Variants in THSD7B observed in about 807,000 individuals in gnomAD.
THSD7B encodes thrombospondin type-1 domain-containing protein 7B.
A neutral mutation model predicts 213.6 loss-of-function variants in THSD7B; 138 were observed. The ratio of observed to expected loss-of-function variants is 0.65; its 90% CI spans 0.56 to 0.74. The LOEUF is 0.74. Ranked by LOEUF, THSD7B falls within the 30% of genes least tolerant of loss-of-function variation. THSD7B has a pLI of 0.00. For synonymous variants in THSD7B, 742 were observed against 687.0 expected (o/e 1.08, Z -1.25); for missense variants, 1,931 against 1,991.5 (o/e 0.97, Z 0.58).
intron 15 of THSD7B, among the ~76,000 whole-genome samples, chr2:137,456,776 A>G (rs1167389126): frequency 6.6e-6 from 1 of 152,188 alleles, no homozygotes; most frequent in Non-Finnish European, 1.5e-5. Flanking sequence ...CTGCAGAGTG[A>G]TTTATTCCTC....
At chr2:137,550,533 G>A (rs1680826265) in intron 15 of THSD7B, among the ~76,000 whole-genome samples, 2 of 152,074 alleles carry the variant, frequency 1.3e-5, no homozygotes, top group African/African-American at 4.8e-5. Context: ...AGCACAGATA[G>A]CTTAGCTTTA....
chr2:137,388,629 G>A (rs1685948073), intron 12 of THSD7B, among the ~76,000 whole-genome samples: 1 of 151,886 alleles, frequency 6.6e-6, no homozygotes, highest in Non-Finnish European at 1.5e-5. Flanking sequence ...CTAATTATAT[G>A]TTTGTACCCA....
At chr2:137,453,908 C>T (rs1687706496) in intron 15 of THSD7B, among the ~76,000 whole-genome samples, 1 of 152,084 alleles carries the variant, frequency 6.6e-6, no homozygotes, top group South Asian at 2.1e-4. Context: ...TAAGGTTTTC[C>T]AGTTGCATCC....
At chr2:137,537,651 G>T (rs77139663) in intron 15 of THSD7B, among the ~76,000 whole-genome samples, 3,521 of 151,674 alleles carry the variant, frequency 0.023, 58 homozygotes, top group Middle Eastern at 0.061. Context: ...TGTTCATTAA[G>T]ATTTGTGGTC....
At chr2:137,389,542 T>C (rs569103943) in intron 12 of THSD7B, among the ~76,000 whole-genome samples, 1 of 151,650 alleles carries the variant, frequency 6.6e-6, no homozygotes, top group South Asian at 2.1e-4. Context: ...TCTTGATTGT[T>C]TTCTTTGCTG....
chr2:137,604,036 G>A (rs536322413), intron 17 of THSD7B, among the ~76,000 whole-genome samples: 28 of 152,098 alleles, frequency 1.8e-4, no homozygotes, highest in African/African-American at 6.5e-4. Context: ...GCTTGAACCT[G>A]GGAGGTGGAG....
intron 4 of THSD7B, among the ~76,000 whole-genome samples, chr2:137,111,052 C>T (rs1407864846): frequency 6.6e-6 from 1 of 152,196 alleles, no homozygotes; most frequent in Non-Finnish European, 1.5e-5. Flanking sequence ...CCTAGTGACA[C>T]ATTTCTCCAT....
intron 11 of THSD7B, among the ~76,000 whole-genome samples, chr2:137,274,972 C>G (rs1682835432): frequency 6.6e-6 from 1 of 152,006 alleles, no homozygotes; most frequent in African/African-American, 2.4e-5. Context: ...ATGTTTCTCA[C>G]TGCTTTTTTG....
At chr2:137,592,875 T>G (rs1681892047) in intron 17 of THSD7B, among the ~76,000 whole-genome samples, 1 of 151,990 alleles carries the variant, frequency 6.6e-6, no homozygotes, top group Admixed American at 6.6e-5. Context: ...TACAATTTTC[T>G]ACTCAAATTT....
chr2:137,465,258 A>T (rs992074177), intron 15 of THSD7B, among the ~76,000 whole-genome samples: 2 of 152,084 alleles, frequency 1.3e-5, no homozygotes, highest in African/African-American at 4.8e-5. Flanking sequence ...CATAAAAAAA[A>T]AAAAGAGTAC....
chr2:136,830,315 G>A (rs1448681164), intron 1 of THSD7B, among the ~76,000 whole-genome samples: 1 of 152,116 alleles, frequency 6.6e-6, no homozygotes, highest in Non-Finnish European at 1.5e-5. Context: ...TCAAAAGATG[G>A]AAAATTAGCT....
chr2:137,311,229 T>A (rs1379814662), intron 12 of THSD7B, among the ~76,000 whole-genome samples: 1 of 151,492 alleles, frequency 6.6e-6, no homozygotes, highest in African/African-American at 2.4e-5. Flanking sequence ...ACATCCCTTG[T>A]AAGTTGGATT....
chr2:137,621,413 T>G (rs2084160), intron 20 of THSD7B, among the ~76,000 whole-genome samples: 58,077 of 152,050 alleles, frequency 0.38, 13,034 homozygotes, highest in African/African-American at 0.63. Context: ...AAAGGAAAGG[T>G]AGTATAAATC....
At chr2:137,201,465 C>T (rs1271431932) in intron 7 of THSD7B, among the ~76,000 whole-genome samples, 2 of 152,080 alleles carry the variant, frequency 1.3e-5, no homozygotes, top group Admixed American at 6.6e-5. Context: ...TATGGTAATT[C>T]TACTTTTATT....
intron 12 of THSD7B, among the ~76,000 whole-genome samples, chr2:137,306,095 G>C (rs1457611119): frequency 6.6e-6 from 1 of 152,150 alleles, no homozygotes; most frequent in Non-Finnish European, 1.5e-5. Flanking sequence ...GAGTGGTAGT[G>C]AACGTGAAGC....
intron 9 of THSD7B, among the ~76,000 whole-genome samples, chr2:137,234,090 A>C (rs1169640761): frequency 1.3e-5 from 2 of 152,192 alleles, no homozygotes; most frequent in African/African-American, 4.8e-5. Context: ...ATGAGCTGAG[A>C]GTTGCCACAG....
At chr2:137,364,329 T>C (rs1432511158) in intron 12 of THSD7B, among the ~76,000 whole-genome samples, 1 of 152,164 alleles carries the variant, frequency 6.6e-6, no homozygotes, top group Non-Finnish European at 1.5e-5. Flanking sequence ...CTTTGAAAAC[T>C]GGCACAAGAC....
At chr2:136,979,784 A>G (rs573047422) in intron 2 of THSD7B, among the ~76,000 whole-genome samples, 2 of 152,270 alleles carry the variant, frequency 1.3e-5, no homozygotes, top group African/African-American at 4.8e-5. Flanking sequence ...CATCCATCTC[A>G]GCCTCAGCCC....
At chr2:137,170,000 C>T (rs66636255) in intron 6 of THSD7B, among the ~76,000 whole-genome samples, 23,693 of 152,034 alleles carry the variant, frequency 0.16, 1,991 homozygotes, top group African/African-American at 0.21. Flanking sequence ...CCCAAACACT[C>T]GCTGCAGTCT....
Sources: allele counts gnomAD v4.1 joint callset (sites outside exome capture counted in the v4.1 genomes callset), GRCh38; gene constraint gnomAD v4.1.1; transcripts MANE v1.5; gene names NCBI Gene and HGNC (gene_info 2026-07-23, HGNC 2026-07-21).